DCDC1: variants seen among roughly 807,000 people sequenced by gnomAD.
The protein encoded by DCDC1 is doublecortin domain containing 1.
DCDC1 carries 200 observed loss-of-function variants against 178.3 expected under a neutral mutation model. That is an observed-to-expected ratio of 1.12 (90% CI 1.00 to 1.26). The LOEUF (loss-of-function observed/expected upper bound fraction) is 1.26, where lower values mean the gene tolerates loss of function less well. Ranked by LOEUF, DCDC1 falls within the 50% of genes most tolerant of loss-of-function variation. DCDC1 has a pLI of 0.00. For missense variants in DCDC1, 1,983 were observed against 1,749.2 expected (o/e 1.13, Z -2.38); for synonymous variants, 690 against 604.8 (o/e 1.14, Z -2.07).
At chr11:31,210,762 G>A (rs891047622) in intron 9 of DCDC1, among the ~76,000 whole-genome samples, 3 of 149,558 alleles carry the variant, frequency 2.0e-5, no homozygotes, top group Non-Finnish European at 4.4e-5. Context: ...AGAAGCAAAA[G>A]AGAATGGACC....
chr11:31,251,173 C>T (rs2136984612), intron 8 of DCDC1, among the ~76,000 whole-genome samples: 1 of 152,294 alleles, frequency 6.6e-6, no homozygotes, highest in African/African-American at 2.4e-5. Context: ...AGATGAAAGA[C>T]AGACATTAAA....
At chr11:31,176,903 A>T (rs895835987) in intron 9 of DCDC1, among the ~76,000 whole-genome samples, 6 of 152,306 alleles carry the variant, frequency 3.9e-5, no homozygotes, top group Admixed American at 3.9e-4. Flanking sequence ...TACTTAAGGG[A>T]ATGCTACGAC....
At chr11:31,077,460 T>C (rs944975394) in intron 18 of DCDC1, among the ~76,000 whole-genome samples, 1 of 152,172 alleles carries the variant, frequency 6.6e-6, no homozygotes, top group Non-Finnish European at 1.5e-5. Flanking sequence ...ATTAATTTAT[T>C]GTTTCCTTAA....
At chr11:31,041,719 T>C (rs955506933) in intron 20 of DCDC1, among the ~76,000 whole-genome samples, 4 of 152,168 alleles carry the variant, frequency 2.6e-5, no homozygotes, top group Admixed American at 6.5e-5. Context: ...AAGGGGCAAC[T>C]GAAACACAAG....
intron 7 of DCDC1, among the ~76,000 whole-genome samples, chr11:31,274,995 G>A (rs552795060): frequency 1.4e-4 from 21 of 152,090 alleles, no homozygotes; most frequent in East Asian, 9.7e-4. Flanking sequence ...CACCACACCC[G>A]TCTTTATTTT....
chr11:31,272,210 C>T lies in DCDC1; in HGVS notation c.961-6610G>A, dbSNP rs1945615653. On this transcript the variant is annotated intron_variant, in intron 7 of 38. Transcript: ENST00000684477. ...AGCTGATAAGACGTTTTCACTATCA[C>T]AAGAACAGCACGGGAAAGACCTGCC... Among the ~76,000 whole-genome samples the T allele has an allele frequency of 2.7e-5, 4 of 150,208 alleles. No individual in the cohort carries two copies. In the South Asian group the frequency reaches 8.4e-4, roughly 32 times the overall value.
chr11:31,367,090 G>A (rs548747121), intron 1 of DCDC1, among the ~76,000 whole-genome samples: 3 of 152,192 alleles, frequency 2.0e-5, no homozygotes, highest in Non-Finnish European at 4.4e-5. Context: ...GAGCTCAAGA[G>A]TTCCAGACCA....
intron 6 of DCDC1, among the ~76,000 whole-genome samples, chr11:31,300,736 T>C (rs1204747959): frequency 2.6e-5 from 4 of 152,060 alleles, no homozygotes; most frequent in African/African-American, 9.7e-5. Flanking sequence ...ACAAGCAGCA[T>C]AGGCAGACAA....
In DCDC1 at chr11:31,025,753, C is replaced by G. The variant is rs568852074; in HGVS notation, c.2591+38716G>C. 2.0e-5 allele frequency among the ~76,000 whole-genome samples: 3 copies of G among 151,814 alleles called. No individual in the cohort carries two copies. The South Asian group carries it at 6.2e-4, about 32-fold the overall frequency. ...AAGGTCATAAAAATGAAAAGTTACT[C>G]TAGTGAGTATTAATTCTCATCATAA... On this transcript the variant is annotated intron_variant, in intron 20 of 38. Transcript: ENST00000684477.
At chr11:31,268,626 G>C (rs898645453) in intron 7 of DCDC1, among the ~76,000 whole-genome samples, 9 of 152,188 alleles carry the variant, frequency 5.9e-5, no homozygotes, top group Non-Finnish European at 2.9e-5. Context: ...ATCCACTGCT[G>C]ATGGGCACCT....
At chr11:30,903,426 C>T (rs1300448949) in intron 32 of DCDC1, 56 bp downstream of exon 32, 2 of 1,385,098 alleles carry the variant, frequency 1.4e-6, no homozygotes, top group South Asian at 1.8e-5. Flanking sequence ...TCATGTTTAA[C>T]GTTTTCATGA....
chr11:30,940,331 T>C (rs1176604767), intron 21 of DCDC1, among the ~76,000 whole-genome samples: 1 of 152,130 alleles, frequency 6.6e-6, no homozygotes, highest in African/African-American at 2.4e-5. Flanking sequence ...AGACCCCCAG[T>C]TGTTATGATT....
At chr11:31,016,673 T>TA (rs1436705790) in intron 20 of DCDC1, among the ~76,000 whole-genome samples, 2 of 152,212 alleles carry the variant, frequency 1.3e-5, no homozygotes, top group Non-Finnish European at 2.9e-5. Context: ...CAAAGGCCTA[T>TA]AGGCTTGAAA....
intron 1 of DCDC1, among the ~76,000 whole-genome samples, chr11:31,349,071 A>T (rs999553438): frequency 6.6e-6 from 1 of 152,090 alleles, no homozygotes; most frequent in African/African-American, 2.4e-5. Context: ...TTCCAGACTC[A>T]AATAAGTTAT....
chr11:30,880,481 G>T (rs1378796899), intron 37 of DCDC1, among the ~76,000 whole-genome samples: 1 of 152,110 alleles, frequency 6.6e-6, no homozygotes, highest in East Asian at 1.9e-4. Flanking sequence ...CTTCTTAAAA[G>T]AAAATATCTA....
intron 16 of DCDC1, among the ~76,000 whole-genome samples, chr11:31,093,769 A>G (rs1261122406): frequency 1.3e-5 from 2 of 152,214 alleles, no homozygotes; most frequent in Non-Finnish European, 2.9e-5. Flanking sequence ...GAAAATGATG[A>G]GTCTGTGGAC....
chr11:31,324,914 A>T (rs1949568846), intron 3 of DCDC1, among the ~76,000 whole-genome samples: 1 of 152,166 alleles, frequency 6.6e-6, no homozygotes, highest in Admixed American at 6.5e-5. Context: ...AAAAATGGTT[A>T]GTATTTACTT....
chr11:31,211,986 G>T (rs918386301), intron 9 of DCDC1, among the ~76,000 whole-genome samples: 1 of 151,846 alleles, frequency 6.6e-6, no homozygotes, highest in Non-Finnish European at 1.5e-5. Flanking sequence ...GGGAGGCTGA[G>T]GCAAGAGAAT....
chr11:31,125,177 G>C (rs1565316354), intron 11 of DCDC1, among the ~76,000 whole-genome samples: 2 of 152,062 alleles, frequency 1.3e-5, no homozygotes, highest in African/African-American at 4.8e-5. Context: ...ATGAAAAAAA[G>C]CTTAACATCA....
Sources: allele counts gnomAD v4.1 joint callset (sites outside exome capture counted in the v4.1 genomes callset), GRCh38; gene constraint gnomAD v4.1.1; transcripts MANE v1.5; gene names NCBI Gene and HGNC (gene_info 2026-07-23, HGNC 2026-07-21).